The following PIGQ variants were observed in gnomAD, a reference collection of about 807,000 sequenced individuals.
The protein encoded by PIGQ is phosphatidylinositol N-acetylglucosaminyltransferase subunit Q.
Under a neutral mutation model 60.3 loss-of-function variants are expected in PIGQ, and 54 were observed. The observed-to-expected ratio is 0.90, with a 90% CI of 0.72 to 1.12. PIGQ has a LOEUF of 1.12. PIGQ is among the 50% of genes most tolerant of loss of function. The pLI, the probability that PIGQ is intolerant of heterozygous loss-of-function variation, is 0.00. For missense variants in PIGQ, 799 were observed against 793.5 expected, an observed-to-expected ratio of 1.01 and a Z score of -0.08; for synonymous variants, 416 against 363.7, an observed-to-expected ratio of 1.14 and a Z score of -1.64.
intron 1 of PIGQ, among the ~76,000 whole-genome samples, chr16:573,256 C>G (rs2035663641): frequency 6.6e-6 from 1 of 152,246 alleles, no homozygotes; most frequent in Admixed American, 6.5e-5. Context: ...CCTCCGGGAC[C>G]TGTAAGCCTC....
At position 582,269 on chromosome 16, in the gene PIGQ, T is replaced by C; in HGVS notation, c.1553T>C (p.Leu518Pro). The C allele has an allele frequency of 1.2e-6, 2 of 1,606,802 alleles. No individual in the cohort carries two copies. The highest frequency in any genetic ancestry group is 1.7e-6 in the Non-Finnish European group (2 of 1,176,508). Reference protein sequence around the residue: ...RLAAGVKFRVLRHEAGRPLRL... With the variant: ...RLAAGVKFRVPRHEAGRPLRL... ...GCAGCTGGCGTGAAGTTCCGTGTCC[T>C]CCGGCACGAGGCCGGCAGGCCCCTC... The change falls in exon 10 of 11, where the codon CTC becomes CCC. Residue 518 changes from leucine to proline, a missense_variant. Physicochemically the swap from Leu to Pro is moderately conservative, Grantham distance 98. Transcript: ENST00000321878.
At chr16:571,488 CTGTGTGTGTG>C (rs71299924) in intron 1 of PIGQ, among the ~76,000 whole-genome samples, 16 of 61,826 alleles carry the variant, frequency 2.6e-4, no homozygotes, top group African/African-American at 6.9e-4. Flanking sequence ...TCTGGTTAGC[CTGTGTGTGTG>C]TGTGTGTGTG....
At chr16:582,794 C>T (rs1349100188) in intron 10 of PIGQ, 89 bp from the exon 11 acceptor site, 1 of 1,376,222 alleles carries the variant, frequency 7.3e-7, no homozygotes, top group African/African-American at 1.4e-5. Context: ...AGCACTGGCC[C>T]TGCCTCACAA....
intron 4 of PIGQ, 97 bp downstream of exon 4, chr16:576,351 G>C: frequency 7.4e-7 from 1 of 1,358,888 alleles, no homozygotes; most frequent in Non-Finnish European, 9.9e-7. Context: ...GCCCCACAAA[G>C]CCAGTTCTAC....
Position 580,200 on chromosome 16 carries a change from G to A in PIGQ, c.1353G>A (p.Leu451=), listed in dbSNP as rs745793783. The part of the protein sequence containing the change: ...YDLDQLFIGT[L]LFTILLFLLP... ...CCCTACAGCTGTTCATCGGGACTCT[G>A]CTCTTCACCATCCTGCTCTTCCTCC... The change falls in exon 8 of 11, where the codon CTG becomes CTA. Residue 451 remains leucine (L), a synonymous_variant. Coordinates refer to ENST00000321878, the MANE Select transcript of PIGQ (RefSeq NM_004204.5). 12 of 1,612,476 alleles carry A rather than the reference G, an allele frequency of 7.4e-6. No homozygotes were observed. The highest frequency in any genetic ancestry group is 9.3e-6 in the Non-Finnish European group (11 of 1,179,254).
At chr16:570,224 C>A (rs939120158) in intron 1 of PIGQ, 128 bp downstream of exon 1, 1 of 151,902 alleles carries the variant, frequency 6.6e-6, no homozygotes, top group Admixed American at 6.5e-5. Flanking sequence ...AGTGGGGCCG[C>A]CCCCGGGCCC....
chr16:580,225 C>T lies in PIGQ; in HGVS notation c.1378C>T (p.Leu460=), dbSNP rs370160027. Residue 460 remains leucine, a synonymous_variant, in exon 8 of 11, where the codon CTG becomes TTG. Transcript: ENST00000321878. The part of the protein sequence containing the change: ...TLLFTILLFL[L]PTTALYYLVF... ...GCTCTTCACCATCCTGCTCTTCCTCCTGCCTACCACAGCCCTGTACTACCT... is the reference window on the plus strand; with the variant it reads ...GCTCTTCACCATCCTGCTCTTCCTCTTGCCTACCACAGCCCTGTACTACCT... 7.7e-5 allele frequency: 124 copies of T among 1,612,910 alleles called. No individual in the cohort carries two copies. Among genetic ancestry groups the T allele is most frequent in the Non-Finnish European group, 9.9e-5 (117 of 1,179,446 alleles).
intron 6 of PIGQ, 31 bp from the exon 7 acceptor site, chr16:579,038 G>GGGCGT (rs1699839730): frequency 6.3e-7 from 1 of 1,578,354 alleles, no homozygotes; most frequent in Non-Finnish European, 8.7e-7. Flanking sequence ...GGGCGGGGCG[G>GGGCGT]GGCCGGGCCC....
chr16:573,639 G>A (rs1356833529), intron 1 of PIGQ, among the ~76,000 whole-genome samples: 1 of 152,226 alleles, frequency 6.6e-6, no homozygotes, highest in African/African-American at 2.4e-5. Context: ...TAATGAGATT[G>A]TACAGTTCTC....
At chr16:578,964 C>A (rs771342754) in intron 6 of PIGQ, 26 bp downstream of exon 6, 2 of 1,604,176 alleles carry the variant, frequency 1.2e-6, no homozygotes, top group South Asian at 1.1e-5. Flanking sequence ...CCCCTCCCCA[C>A]CGCCCCCTGG....
chr16:573,568 C>G (rs962772469), intron 1 of PIGQ, among the ~76,000 whole-genome samples: 1 of 152,212 alleles, frequency 6.6e-6, no homozygotes, highest in Non-Finnish European at 1.5e-5. Flanking sequence ...ACATTTTCAT[C>G]TTTATTCTTG....
At chr16:580,542 T>C (rs1469317656) in intron 8 of PIGQ, 3 of 549,634 alleles carry the variant, frequency 5.5e-6, no homozygotes, top group Non-Finnish European at 9.8e-6. Flanking sequence ...CCCTGGTGCC[T>C]GGCACTGGGG....
chr16:579,242 G>A, intron 7 of PIGQ, 62 bp downstream of exon 7: 2 of 1,395,334 alleles, frequency 1.4e-6, no homozygotes, highest in Non-Finnish European at 2.0e-6. Context: ...CGCTGGGCCA[G>A]CGCGGTGCTT....
At chr16:581,958 T>G (rs1313231156) in intron 9 of PIGQ, 1 of 456,324 alleles carries the variant, frequency 2.2e-6, no homozygotes, top group African/African-American at 2.0e-5. Context: ...CGTATGGGGT[T>G]TCACCATGTT....
In PIGQ at chr16:578,447, C is replaced by G. The variant is rs1256668223; in HGVS notation, c.1011C>G (p.Asn337Lys). The change falls in exon 5 of 11, where the codon AAC (asparagine) becomes AAG (lysine). Residue 337 changes from asparagine to lysine, a missense_variant. Transcript: ENST00000321878. ...LMGAPAGLKM[N>K]RALDQVLGRF... The stretch of plus-strand genomic sequence containing the variant: ...GTGCTCCCGCCGGGCTCAAGATGAA[C>G]CGTGCACTGGACCAGGTGCTGGGCC... 2.5e-6 allele frequency: 4 copies of G among 1,612,594 alleles called. No individual in the cohort carries two copies. The African/African-American group carries it at 5.3e-5, about 22-fold the overall frequency.
At chr16:578,662 C>T in intron 5 of PIGQ, 123 bp from the exon 6 acceptor site, 1 of 1,420,322 alleles carries the variant, frequency 7.0e-7, no homozygotes. Context: ...GGCCTGGGCA[C>T]CTCCCGAGGG....
chr16:581,004 G>A, intron 9 of PIGQ, 32 bp downstream of exon 9: 1 of 1,438,762 alleles, frequency 7.0e-7, no homozygotes, highest in Non-Finnish European at 9.8e-7. Context: ...GCTGGCCCTG[G>A]GTAGGTGGAG....
intron 7 of PIGQ, chr16:579,907 G>C (rs2035785707): frequency 3.0e-6 from 1 of 337,656 alleles, no homozygotes; most frequent in African/African-American, 2.1e-5. Context: ...GCAGCCGCTG[G>C]ATGCTGCCAT....
intron 2 of PIGQ, 50 bp downstream of exon 2, chr16:574,813 C>T: frequency 7.4e-7 from 1 of 1,359,862 alleles, no homozygotes; most frequent in Non-Finnish European, 9.8e-7. Flanking sequence ...CCCATGAGTG[C>T]TGGCCCATCC....
Sources: gnomAD v4.1 joint callset for allele counts (sites outside exome capture counted in the v4.1 genomes callset) on GRCh38, gnomAD v4.1.1 for gene constraint, MANE v1.5 for transcripts, NCBI Gene and HGNC (gene_info 2026-07-23, HGNC 2026-07-21) for gene names.